SLC30A9: variants seen among roughly 807,000 people sequenced by gnomAD.
SLC30A9 encodes solute carrier family 30 member 9.
SLC30A9 carries 58 observed loss-of-function variants against 87.5 expected under a neutral mutation model. The ratio of observed to expected loss-of-function variants is 0.66; its 90% confidence interval spans 0.54 to 0.82. The LOEUF (loss-of-function observed/expected upper bound fraction) is 0.82. Among genes scored for constraint, SLC30A9 ranks in the 40% least tolerant of loss-of-function variants. The pLI, the probability that SLC30A9 is intolerant of heterozygous loss-of-function variation, is 0.00. For missense variants in SLC30A9, 557 were observed against 679.1 expected, an observed-to-expected ratio of 0.82 and a Z score of 2.00; for synonymous variants, 234 against 233.0, an observed-to-expected ratio of 1.00 and a Z score of -0.04.
At chr4:42,011,880 TA>T (rs1715460134) in intron 2 of SLC30A9, among the ~76,000 whole-genome samples, 1 of 152,106 alleles carries the variant, frequency 6.6e-6, no homozygotes, top group Non-Finnish European at 1.5e-5. Context: ...GCCACTAAAG[TA>T]AAAATGTAGT....
rs771400463 is a variant in SLC30A9, at chr4:42,075,742, A to T, written c.1504A>T (p.Thr502Ser). 3.7e-5 allele frequency: 60 copies of T among 1,612,286 alleles called. No individual in the cohort carries two copies. Among genetic ancestry groups the T allele is most frequent in the Non-Finnish European group, 5.0e-5 (59 of 1,178,612 alleles). Residue 502 changes from threonine to serine, a missense_variant, in exon 16 of 18, where the codon ACA becomes TCA. Thr to Ser is a moderately conservative substitution (Grantham distance 58, BLOSUM62 1). Transcript: ENST00000264451. The part of the protein sequence containing the change: ...AEVDFDGRVV[T>S]RSYLEKQDFD... The stretch of plus-strand genomic sequence containing the variant: ...AGTAGATTTTGATGGGCGAGTTGTT[A>T]CAAGATCATATTTGGAAAAACAAGA...
intron 1 of SLC30A9, among the ~76,000 whole-genome samples, chr4:41,998,422 A>G (rs547536364): frequency 1.3e-5 from 2 of 152,026 alleles, no homozygotes; most frequent in Admixed American, 6.5e-5. Flanking sequence ...AATATTTTTC[A>G]CTATCTCTTT....
rs765338091 is a variant in SLC30A9 at position 41,990,758 on chromosome 4, A to T, written c.107A>T (p.Gln36Leu). ...RAAACNPSDR[Q>L]EWQNLVTFGS... ...GCGGCCTGTAATCCCAGCGACCGCC[A>T]GGGTGAGTGTCCCGCGCTGGCCGCT... The change falls in exon 1 of 18, where the codon CAG becomes CTG. Residue 36 changes from glutamine to leucine, a missense_variant and splice_region_variant. By Grantham distance (113) the Gln-to-Leu change is moderately radical. Coordinates refer to ENST00000264451, the MANE Select transcript of SLC30A9 (RefSeq NM_006345.4). 5.0e-6 allele frequency: 8 copies of T among 1,607,862 alleles called. No homozygotes were observed. The highest frequency in any genetic ancestry group is 6.8e-6 in the Non-Finnish European group (8 of 1,176,780).
intron 14 of SLC30A9, among the ~76,000 whole-genome samples, chr4:42,067,702 T>C (rs7692812): frequency 0.67 from 101,571 of 152,170 alleles, 37,595 homozygotes; most frequent in East Asian, 0.96. Flanking sequence ...CTCATTCTCC[T>C]TTTATCTACA....
chr4:42,001,591 A>T lies in SLC30A9; in HGVS notation c.110-25A>T, dbSNP rs544482940. On this transcript the variant is annotated intron_variant, in intron 1 of 17. Transcript: ENST00000264451. Reference sequence around the variant, plus strand: ...TGCAGCTAGGACTTGGTTTGAAATTAAAGTATATATATTTTTTCTTTTAGA... The same window carrying T: ...TGCAGCTAGGACTTGGTTTGAAATTTAAGTATATATATTTTTTCTTTTAGA... The T allele has an allele frequency of 3.4e-6, 5 of 1,483,026 alleles. No homozygotes were observed. In the Admixed American group the frequency reaches 9.5e-5, roughly 28 times the overall value. 91.9% of individuals were successfully genotyped at this position (1,483,026 alleles called of 1,614,324 possible). A position where few individuals can be genotyped will look rare whatever the true frequency, so the allele number is the denominator to read the frequency against.
chr4:42,050,712 C>G (rs975115780), intron 9 of SLC30A9, among the ~76,000 whole-genome samples: 1 of 152,180 alleles, frequency 6.6e-6, no homozygotes, highest in African/African-American at 2.4e-5. Context: ...TTGCCATAGA[C>G]AACTAAAAGC....
At chr4:42,071,626 A>G (rs1221992118) in intron 15 of SLC30A9, among the ~76,000 whole-genome samples, 1 of 151,678 alleles carries the variant, frequency 6.6e-6, no homozygotes, top group African/African-American at 2.4e-5. Context: ...ATGTCTGTGA[A>G]TAGCCACTCA....
intron 8 of SLC30A9, among the ~76,000 whole-genome samples, chr4:42,040,613 C>T (rs1168937296): frequency 4.0e-5 from 6 of 151,692 alleles, no homozygotes; most frequent in African/African-American, 9.7e-5. Context: ...CTGGCTAACA[C>T]GGTGAAACCC....
At chr4:42,083,635 ATT>A (rs1192794988) in intron 17 of SLC30A9, among the ~76,000 whole-genome samples, 2 of 149,648 alleles carry the variant, frequency 1.3e-5, no homozygotes, top group East Asian at 2.0e-4. Context: ...ATTAGTACAC[ATT>A]TATTTATATC....
chr4:42,036,083 C>G (rs1241860336), intron 7 of SLC30A9, among the ~76,000 whole-genome samples: 1 of 152,142 alleles, frequency 6.6e-6, no homozygotes, highest in African/African-American at 2.4e-5. Context: ...TATACAAAAT[C>G]AATGGATACT....
At chr4:42,077,622 T>C (rs1484930061) in intron 16 of SLC30A9, among the ~76,000 whole-genome samples, 1 of 152,170 alleles carries the variant, frequency 6.6e-6, no homozygotes, top group Admixed American at 6.5e-5. Flanking sequence ...CAGGCTGGTC[T>C]TGAACTCCTG....
chr4:42,039,882 A>G (rs1716848529), intron 8 of SLC30A9, among the ~76,000 whole-genome samples: 1 of 140,180 alleles, frequency 7.1e-6, no homozygotes, highest in Non-Finnish European at 1.6e-5. Flanking sequence ...TAGTTCTTTT[A>G]TTCTTAAATA....
At chr4:42,074,676 T>G (rs1251939238) in intron 15 of SLC30A9, among the ~76,000 whole-genome samples, 1 of 152,120 alleles carries the variant, frequency 6.6e-6, no homozygotes, top group African/African-American at 2.4e-5. Context: ...TTATCATGTA[T>G]AAAATAAAGA....
intron 7 of SLC30A9, among the ~76,000 whole-genome samples, chr4:42,036,249 T>G (rs1005894409): frequency 6.6e-6 from 1 of 152,206 alleles, no homozygotes; most frequent in Non-Finnish European, 1.5e-5. Flanking sequence ...AAAATAGGTG[T>G]AATTTCATAA....
intron 3 of SLC30A9, among the ~76,000 whole-genome samples, chr4:42,020,184 T>A (rs973078617): frequency 6.6e-6 from 1 of 152,188 alleles, no homozygotes; most frequent in Non-Finnish European, 1.5e-5. Flanking sequence ...TAGACAAAGG[T>A]TGACATTTTG....
chr4:42,076,194 G>A (rs2153141079), intron 16 of SLC30A9, among the ~76,000 whole-genome samples: 1 of 152,184 alleles, frequency 6.6e-6, no homozygotes, highest in Non-Finnish European at 1.5e-5. Flanking sequence ...ATTAAGAATA[G>A]TTTAAAAGAG....
intron 2 of SLC30A9, among the ~76,000 whole-genome samples, chr4:42,007,686 G>A (rs528770304): frequency 2.0e-5 from 3 of 152,288 alleles, no homozygotes; most frequent in South Asian, 2.1e-4. Context: ...GAACCCAGGA[G>A]GGAGAGGTTG....
intron 4 of SLC30A9, among the ~76,000 whole-genome samples, chr4:42,021,757 TG>T (rs1715956960): frequency 6.6e-6 from 1 of 152,096 alleles, no homozygotes; most frequent in East Asian, 1.9e-4. Context: ...TTTTTTTGTT[TG>T]TTTTTTTTTG....
At chr4:42,021,517 T>C (rs984626978) in intron 4 of SLC30A9, among the ~76,000 whole-genome samples, 1 of 152,236 alleles carries the variant, frequency 6.6e-6, no homozygotes, top group African/African-American at 2.4e-5. Context: ...TGATTAAATA[T>C]AGAATGACTA....
Sources: allele counts gnomAD v4.1 joint callset (sites outside exome capture counted in the v4.1 genomes callset), GRCh38; gene constraint gnomAD v4.1.1; transcripts MANE v1.5; gene names NCBI Gene and HGNC (gene_info 2026-07-23, HGNC 2026-07-21).